Variants in ROBO1 observed in about 807,000 individuals in gnomAD.
The protein encoded by ROBO1 is roundabout guidance receptor 1, also known as roundabout homolog 1.
Under a neutral mutation model 195.9 loss-of-function variants are expected in ROBO1, and 149 were observed. The observed-to-expected ratio is 0.76, with a 90% CI of 0.67 to 0.87. The LOEUF is 0.87. Ranked by LOEUF, ROBO1 falls within the 40% of genes least tolerant of loss-of-function variation. The pLI is 0.00. For missense variants in ROBO1, 1,933 were observed against 2,068.3 expected, an observed-to-expected ratio of 0.93 and a Z score of 1.27; for synonymous variants, 816 against 733.2, an observed-to-expected ratio of 1.11 and a Z score of -1.82.
rs61662697 is a variant in ROBO1 at position 79,550,202 on chromosome 3, A to AAAGAAAGGAAAG, written c.88+39621_88+39622insCTTTCCTTTCTT. ...AAGAAAGAAAGAAAGAAAGGAAAAGAAAAGAAAAGAAAAGAAAAGAAAAGA... is the reference window on the plus strand; with the variant it reads ...AAGAAAGAAAGAAAGAAAGGAAAAGAAAGAAAGGAAAGAAAGAAAAGAAAAGAAAAGAAAAGA... On this transcript the variant is annotated intron_variant, in intron 2 of 30. Coordinates refer to ENST00000464233, the MANE Select transcript of ROBO1 (RefSeq NM_002941.4). Among the ~76,000 whole-genome samples, 17 of 103,136 alleles carry AAAGAAAGGAAAG rather than the reference A, an allele frequency of 1.6e-4. No homozygotes were observed. The South Asian group carries it at 2.0e-3, about 12-fold the overall frequency. 67.7% of individuals were successfully genotyped at this position (103,136 alleles called of 152,430 possible).
intron 2 of ROBO1, among the ~76,000 whole-genome samples, chr3:79,271,661 C>T (rs1022468532): frequency 2.0e-5 from 3 of 151,856 alleles, no homozygotes; most frequent in East Asian, 1.9e-4. Flanking sequence ...TCTCTTCCTC[C>T]TCAGTGAGAT....
Position 78,938,918 on chromosome 3 carries a change from A to C in ROBO1, c.182T>G (p.Leu61Arg). 4 of 1,606,330 alleles carry C rather than the reference A, an allele frequency of 2.5e-6. No homozygotes were observed. The highest frequency in any genetic ancestry group is 3.4e-6 in the Non-Finnish European group (4 of 1,175,766). The change falls in exon 4 of 31, where the codon CTT becomes CGT. Residue 61 changes from leucine (L) to arginine (R), a missense_variant. By Grantham distance (102) the Leu-to-Arg change is moderately radical. Around this residue, in one of 3 missense-constraint regions of ROBO1, gnomAD observed 185 missense variants for 159.5 expected, o/e 1.16. Transcript: ENST00000464233. ...DNSLGYTGSR[L>R]RQEDFPPRIV... ...GCGAGGTGGAAAATCTTCCTGACGA[A>C]GACGGGAGCCTGCAGAAGAATTCAC...
chr3:78,875,876 C>A (rs2035813181), intron 4 of ROBO1, among the ~76,000 whole-genome samples: 1 of 152,074 alleles, frequency 6.6e-6, no homozygotes, highest in African/African-American at 2.4e-5. Flanking sequence ...CATGTATAAT[C>A]TGTACAATTT....
At chr3:78,928,665 G>T (rs1031062341) in intron 4 of ROBO1, among the ~76,000 whole-genome samples, 3 of 152,032 alleles carry the variant, frequency 2.0e-5, no homozygotes, top group Non-Finnish European at 4.4e-5. Flanking sequence ...CCCAGGGGTG[G>T]TCCCAAAGGA....
At chr3:78,736,434 A>C (rs191406294) in intron 5 of ROBO1, among the ~76,000 whole-genome samples, 2 of 152,248 alleles carry the variant, frequency 1.3e-5, no homozygotes, top group East Asian at 3.9e-4. Flanking sequence ...AGGAAGAAGA[A>C]ATCTAGTGTG....
chr3:79,666,723 C>T (rs1340027610), intron 1 of ROBO1, among the ~76,000 whole-genome samples: 1 of 151,884 alleles, frequency 6.6e-6, no homozygotes, highest in Non-Finnish European at 1.5e-5. Context: ...TCCATTAAAC[C>T]TCTTTTTCTT....
intron 4 of ROBO1, among the ~76,000 whole-genome samples, chr3:78,750,698 G>C (rs2082771554): frequency 6.6e-6 from 1 of 152,146 alleles, no homozygotes; most frequent in East Asian, 1.9e-4. Flanking sequence ...AATAAAAAAA[G>C]TTAAACAGAA....
intron 1 of ROBO1, among the ~76,000 whole-genome samples, chr3:79,632,877 T>G (rs113813961): frequency 1.3e-5 from 2 of 152,084 alleles, no homozygotes; most frequent in African/African-American, 4.8e-5. Context: ...AAAAAAGATA[T>G]CTGATTAAGG....
At chr3:79,566,935 A>C (rs1943109010) in intron 2 of ROBO1, among the ~76,000 whole-genome samples, 2 of 152,014 alleles carry the variant, frequency 1.3e-5, no homozygotes, top group African/African-American at 4.8e-5. Context: ...TACTGGAATA[A>C]ATCGAGACAC....
chr3:79,304,518 G>A (rs550816201), intron 2 of ROBO1, among the ~76,000 whole-genome samples: 5 of 152,040 alleles, frequency 3.3e-5, no homozygotes, highest in Middle Eastern at 6.9e-3. Flanking sequence ...TATTTTTCCC[G>A]TCTTTCACTC....
intron 2 of ROBO1, among the ~76,000 whole-genome samples, chr3:79,493,533 G>A (rs1312288273): frequency 1.3e-5 from 2 of 151,736 alleles, no homozygotes; most frequent in Non-Finnish European, 2.9e-5. Flanking sequence ...ACATTGACTA[G>A]TTTTTGTTTT....
intron 10 of ROBO1, among the ~76,000 whole-genome samples, chr3:78,676,182 C>T (rs1708411344): frequency 6.6e-6 from 1 of 152,098 alleles, no homozygotes; most frequent in Non-Finnish European, 1.5e-5. Flanking sequence ...CTATACATCA[C>T]CATCATCAAA....
At chr3:79,744,353 ATAGT>A (rs1483561289) in intron 1 of ROBO1, among the ~76,000 whole-genome samples, 1 of 152,190 alleles carries the variant, frequency 6.6e-6, no homozygotes, top group African/African-American at 2.4e-5. Flanking sequence ...GTGTGAAAAA[ATAGT>A]TAAGAAATAA....
intron 4 of ROBO1, among the ~76,000 whole-genome samples, chr3:78,878,764 T>C (rs2036008191): frequency 6.6e-6 from 1 of 152,024 alleles, no homozygotes; most frequent in Admixed American, 6.6e-5. Context: ...CTCTCATTTA[T>C]TTTCAAAAAC....
intron 2 of ROBO1, among the ~76,000 whole-genome samples, chr3:79,371,399 T>C (rs1577033307): frequency 6.6e-6 from 1 of 152,308 alleles, no homozygotes. Context: ...ATGGACCCTT[T>C]AGAAAATTTA....
intron 10 of ROBO1, among the ~76,000 whole-genome samples, chr3:78,683,475 G>C (rs1246846625): frequency 6.6e-6 from 1 of 151,960 alleles, no homozygotes; most frequent in Non-Finnish European, 1.5e-5. Context: ...TCAAAACAAG[G>C]AAAGAAAGGT....
chr3:78,957,127 T>C (rs1474777667), intron 3 of ROBO1, among the ~76,000 whole-genome samples: 4 of 152,156 alleles, frequency 2.6e-5, no homozygotes, highest in Non-Finnish European at 4.4e-5. Context: ...ATTTTCATAA[T>C]AAAATCTTTT....
At chr3:79,272,265 AG>A (rs2030634031) in intron 2 of ROBO1, among the ~76,000 whole-genome samples, 1 of 152,212 alleles carries the variant, frequency 6.6e-6, no homozygotes, top group East Asian at 1.9e-4. Flanking sequence ...AGACAGTGGA[AG>A]TAATGAGTAT....
intron 2 of ROBO1, among the ~76,000 whole-genome samples, chr3:79,277,579 G>T (rs2031146202): frequency 6.6e-6 from 1 of 151,948 alleles, no homozygotes; most frequent in South Asian, 2.1e-4. Flanking sequence ...AGTGACTTCA[G>T]TCAACAATAA....
Sources: allele counts gnomAD v4.1 joint callset (sites outside exome capture counted in the v4.1 genomes callset), GRCh38; gene constraint gnomAD v4.1.1; regional missense constraint gnomAD v4.1.1; transcripts MANE v1.5; gene names NCBI Gene and HGNC (gene_info 2026-07-23, HGNC 2026-07-21).